LAPTM4B: variants seen among roughly 807,000 people sequenced by gnomAD.
LAPTM4B encodes lysosomal protein transmembrane 4 beta.
In LAPTM4B, 26 loss-of-function variants were observed where a neutral mutation model predicts 28.5. That is an observed-to-expected ratio of 0.91 (90% CI 0.67 to 1.27). LAPTM4B has a LOEUF of 1.27. Among genes scored for constraint, LAPTM4B ranks in the 50% most tolerant of loss-of-function variants. The pLI is 0.00. For missense variants in LAPTM4B, 288 were observed against 285.8 expected (o/e 1.01, Z -0.06); for synonymous variants, 109 against 106.4 (o/e 1.02, Z -0.15).
chr8:97,787,946 G>C (rs945893581), intron 1 of LAPTM4B, among the ~76,000 whole-genome samples: 2 of 152,104 alleles, frequency 1.3e-5, no homozygotes, highest in Non-Finnish European at 2.9e-5. Context: ...TGATTCTCCT[G>C]CGCCAGCCTC....
chr8:97,782,906 T>TTTTATTTA (rs60489660), intron 1 of LAPTM4B, among the ~76,000 whole-genome samples: 41,817 of 134,904 alleles, frequency 0.31, 7,505 homozygotes, highest in Non-Finnish European at 0.39. Context: ...TAATTTTGTA[T>TTTTATTTA]TTTATTTATT....
At chr8:97,838,341 CT>C (rs1817293112) in intron 6 of LAPTM4B, among the ~76,000 whole-genome samples, 1 of 152,200 alleles carries the variant, frequency 6.6e-6, no homozygotes, top group Non-Finnish European at 1.5e-5. Context: ...TGCATTGATG[CT>C]GTACTCCTCT....
At chr8:97,813,935 G>A (rs1407219980) in intron 2 of LAPTM4B, among the ~76,000 whole-genome samples, 1 of 152,072 alleles carries the variant, frequency 6.6e-6, no homozygotes, top group Non-Finnish European at 1.5e-5. Context: ...ATAGTTTGGG[G>A]TTCATTTTTA....
intron 6 of LAPTM4B, among the ~76,000 whole-genome samples, chr8:97,833,618 C>T (rs749553776): frequency 2.0e-5 from 3 of 152,024 alleles, no homozygotes; most frequent in Non-Finnish European, 4.4e-5. Context: ...GATTGCATGC[C>T]TCTCATGTAG....
At chr8:97,838,461 A>G (rs1162188734) in intron 6 of LAPTM4B, among the ~76,000 whole-genome samples, 2 of 152,108 alleles carry the variant, frequency 1.3e-5, no homozygotes, top group Non-Finnish European at 1.5e-5. Context: ...ACATAGATTA[A>G]CTCAATCACA....
chr8:97,814,704 A>T (rs936342323), intron 2 of LAPTM4B, among the ~76,000 whole-genome samples: 4 of 152,004 alleles, frequency 2.6e-5, no homozygotes, highest in South Asian at 2.1e-4. Context: ...TTATTTATTT[A>T]TTTTTTTGAG....
In LAPTM4B at chr8:97,783,187, T is replaced by C. The variant is rs535489875; in HGVS notation, c.99+7079T>C. Among the ~76,000 whole-genome samples the C allele has an allele frequency of 8.6e-4, 130 of 151,050 alleles. 1 individual carries two copies. Among genetic ancestry groups the C allele is most frequent in the African/African-American group, 3.2e-3 (130 of 41,228 alleles). ...ACACTGTTCACAGGGTAGTTAGCCA[T>C]ATATCAGATTATAAAGGATAAAAGA... On this transcript the variant is annotated intron_variant, in intron 1 of 6. Transcript: ENST00000521545.
chr8:97,776,048 C>G lies in LAPTM4B; in HGVS notation c.39C>G (p.Asn13Lys). ...MVAPWTRFYS[N>K]SCCLCCHVRT... ...CGCCCTGGACGCGGTTCTACTCCAA[C>G]AGCTGCTGCTTGTGCTGCCATGTCC... is the stretch of plus-strand genomic sequence containing the variant. Residue 13 changes from asparagine to lysine, a missense_variant, in exon 1 of 7, where the codon AAC becomes AAG. Coordinates refer to ENST00000521545, the MANE Select transcript of LAPTM4B (RefSeq NM_018407.6). 1.3e-6 allele frequency: 2 copies of G among 1,588,202 alleles called. No individual in the cohort carries two copies. The highest frequency in any genetic ancestry group is 1.7e-6 in the Non-Finnish European group (2 of 1,170,772).
chr8:97,833,363 A>C (rs905072756), intron 6 of LAPTM4B, among the ~76,000 whole-genome samples: 3 of 152,118 alleles, frequency 2.0e-5, no homozygotes, highest in Admixed American at 6.5e-5. Context: ...CAATCAATTA[A>C]TCACTCAATA....
At chr8:97,828,207 G>A (rs141421876) in intron 6 of LAPTM4B, among the ~76,000 whole-genome samples, 1 of 151,916 alleles carries the variant, frequency 6.6e-6, no homozygotes, top group Non-Finnish European at 1.5e-5. Flanking sequence ...AAATTTTGGG[G>A]GTGGTATGGA....
intron 6 of LAPTM4B, among the ~76,000 whole-genome samples, chr8:97,832,327 T>C (rs1046044076): frequency 9.9e-5 from 15 of 152,142 alleles, no homozygotes; most frequent in Non-Finnish European, 1.8e-4. Flanking sequence ...GGGCAGTAGT[T>C]TGTGGTAGCT....
intron 1 of LAPTM4B, among the ~76,000 whole-genome samples, chr8:97,787,082 T>C (rs1409262340): frequency 6.6e-6 from 1 of 152,070 alleles, no homozygotes; most frequent in Non-Finnish European, 1.5e-5. Context: ...GCCTCCTTTA[T>C]GTTTGTCTTC....
At chr8:97,790,556 C>T (rs963364719) in intron 1 of LAPTM4B, among the ~76,000 whole-genome samples, 9 of 152,068 alleles carry the variant, frequency 5.9e-5, no homozygotes, top group Admixed American at 1.3e-4. Flanking sequence ...GTGATCTGCC[C>T]GCCTCACTCT....
rs186230548 is a variant in LAPTM4B at position 97,806,585 on chromosome 8, C to T, written c.211+1121C>T. On this transcript the variant is annotated intron_variant, in intron 2 of 6. Transcript: ENST00000521545. Reference sequence around the variant, plus strand: ...GAATTGATATGGTTTGGCTGTGTCCCCACCCAAATCTCGAATTGTATCTCC... The same window carrying T: ...GAATTGATATGGTTTGGCTGTGTCCTCACCCAAATCTCGAATTGTATCTCC... Among the ~76,000 whole-genome samples the T allele has an allele frequency of 2.4e-3, 368 of 152,242 alleles. 1 individual carries two copies. The highest frequency in any genetic ancestry group is 8.2e-3 in the African/African-American group (340 of 41,538).
intron 1 of LAPTM4B, among the ~76,000 whole-genome samples, chr8:97,800,538 C>A (rs1325753837): frequency 8.1e-6 from 1 of 123,116 alleles, no homozygotes; most frequent in Non-Finnish European, 1.6e-5. Flanking sequence ...CTTTTGTTGC[C>A]CAGGCTAGAG....
chr8:97,780,987 G>T (rs1816298818), intron 1 of LAPTM4B, among the ~76,000 whole-genome samples: 1 of 150,560 alleles, frequency 6.6e-6, no homozygotes, highest in Non-Finnish European at 1.5e-5. Context: ...TGTGATTTAT[G>T]TACTACAATT....
At chr8:97,823,944 C>G (rs1817053146) in intron 5 of LAPTM4B, among the ~76,000 whole-genome samples, 1 of 151,976 alleles carries the variant, frequency 6.6e-6, no homozygotes, top group Admixed American at 6.6e-5. Context: ...AGGTAATCCA[C>G]CAGCCTCGGC....
intron 5 of LAPTM4B, 55 bp downstream of exon 5, chr8:97,819,293 C>T (rs1816968792): frequency 2.8e-6 from 3 of 1,077,888 alleles, no homozygotes; most frequent in Admixed American, 2.3e-5. Context: ...TTCCTGAATA[C>T]CAAATAAGTA....
chr8:97,782,998 C>T (rs1816346288), intron 1 of LAPTM4B, among the ~76,000 whole-genome samples: 1 of 149,504 alleles, frequency 6.7e-6, no homozygotes, highest in Non-Finnish European at 1.5e-5. Flanking sequence ...GTCTCAAACT[C>T]CCGACCTCAG....
Sources: allele counts gnomAD v4.1 joint callset (sites outside exome capture counted in the v4.1 genomes callset), GRCh38; gene constraint gnomAD v4.1.1; transcripts MANE v1.5; gene names NCBI Gene and HGNC (gene_info 2026-07-23, HGNC 2026-07-21).